Variants in ANKS1B observed in about 807,000 individuals in gnomAD.
The protein encoded by ANKS1B is ankyrin repeat and sterile alpha motif domain-containing protein 1B.
In ANKS1B, 36 loss-of-function variants were observed where a neutral mutation model predicts 148.3. The ratio of observed to expected loss-of-function variants is 0.24; its 90% CI spans 0.19 to 0.32. The LOEUF (loss-of-function observed/expected upper bound fraction) is 0.32. ANKS1B is among the 10% of genes least tolerant of loss of function. The pLI, the probability that ANKS1B is intolerant of heterozygous loss-of-function variation, is 1.00. For synonymous variants in ANKS1B, 542 were observed against 560.8 expected (o/e 0.97, Z 0.47); for missense variants, 1,157 against 1,542.6 (o/e 0.75, Z 4.19).
chr12:99,129,890 C>T lies in ANKS1B; in HGVS notation c.2526+24399G>A, dbSNP rs75080446. Among the ~76,000 whole-genome samples the T allele has an allele frequency of 3.5e-3, 532 of 152,242 alleles. 6 individuals carry two copies. Among genetic ancestry groups the T allele is most frequent in the African/African-American group, 0.012 (500 of 41,534 alleles). The stretch of plus-strand genomic sequence containing the variant: ...GTATCAAAAAATGATAAGTTTAAAA[C>T]ATTTTAAACTTATCAGTGCACAAGA... On this transcript the variant is annotated intron_variant, in intron 15 of 26. Transcript: ENST00000683438.
intron 1 of ANKS1B, among the ~76,000 whole-genome samples, chr12:99,893,623 T>C (rs532972863): frequency 6.6e-6 from 1 of 152,276 alleles, no homozygotes; most frequent in Admixed American, 6.5e-5. Context: ...TCAAATCTAA[T>C]ATATTTTTGG....
intron 15 of ANKS1B, among the ~76,000 whole-genome samples, chr12:99,086,149 G>A (rs1439235005): frequency 2.6e-5 from 4 of 152,192 alleles, no homozygotes; most frequent in Admixed American, 6.5e-5. Flanking sequence ...TTCAAAGGCA[G>A]TTAGGTAGGA....
At position 99,112,127 on chromosome 12, in the gene ANKS1B, G is replaced by C. The variant is rs573825040; in HGVS notation, c.2527-27104C>G. On this transcript the variant is annotated intron_variant, in intron 15 of 26. Coordinates refer to ENST00000683438, the MANE Select transcript of ANKS1B (RefSeq NM_001352186.2). ...CCATTTTATAGAAGAGGAAGTAAAG[G>C]CCCGTGCAATGTGCTGTGTAAGGTG... 1.1e-4 allele frequency among the ~76,000 whole-genome samples: 17 copies of C among 152,142 alleles called. No individual in the cohort carries two copies. In the South Asian group the frequency reaches 3.5e-3, roughly 32 times the overall value.
chr12:99,133,906 G>T (rs2067025949), intron 15 of ANKS1B, among the ~76,000 whole-genome samples: 2 of 152,154 alleles, frequency 1.3e-5, no homozygotes, highest in African/African-American at 4.8e-5. Context: ...CAACCCAATG[G>T]AATTAGCATG....
At chr12:99,742,177 A>ATT (rs2153582292) in intron 8 of ANKS1B, among the ~76,000 whole-genome samples, 2 of 152,100 alleles carry the variant, frequency 1.3e-5, no homozygotes, top group East Asian at 3.9e-4. Flanking sequence ...CCTCGGTGAT[A>ATT]AAATAATATG....
At chr12:99,046,395 A>G (rs193241358) in intron 17 of ANKS1B, among the ~76,000 whole-genome samples, 219 of 152,334 alleles carry the variant, frequency 1.4e-3, no homozygotes, top group Middle Eastern at 6.8e-3. Flanking sequence ...AAACTGACAC[A>G]GGTGTTACAA....
chr12:98,907,806 C>T (rs1258979043), intron 17 of ANKS1B, among the ~76,000 whole-genome samples: 1 of 152,132 alleles, frequency 6.6e-6, no homozygotes, highest in Non-Finnish European at 1.5e-5. Flanking sequence ...TGTTCTTATG[C>T]TAGTGAATCA....
intron 1 of ANKS1B, among the ~76,000 whole-genome samples, chr12:99,947,856 G>A (rs549990144): frequency 1.6e-3 from 248 of 152,294 alleles, no homozygotes; most frequent in South Asian, 4.8e-3. Flanking sequence ...GCTGGAGGTT[G>A]CTCACAACTC....
At chr12:99,573,884 G>A (rs929443443) in intron 9 of ANKS1B, among the ~76,000 whole-genome samples, 1 of 151,646 alleles carries the variant, frequency 6.6e-6, no homozygotes, top group African/African-American at 2.4e-5. Flanking sequence ...TGCCTTATCA[G>A]GACTTCGCTA....
intron 12 of ANKS1B, among the ~76,000 whole-genome samples, chr12:99,336,949 C>T (rs927042914): frequency 2.0e-5 from 3 of 151,928 alleles, no homozygotes; most frequent in African/African-American, 4.8e-5. Flanking sequence ...TACATTTGGC[C>T]TTTGGGAGTT....
At chr12:99,372,390 C>T (rs2093184798) in intron 12 of ANKS1B, among the ~76,000 whole-genome samples, 1 of 151,938 alleles carries the variant, frequency 6.6e-6, no homozygotes, top group African/African-American at 2.4e-5. Context: ...ATACTGAAAC[C>T]ACTTAGGGTT....
intron 12 of ANKS1B, among the ~76,000 whole-genome samples, chr12:99,372,485 G>A (rs541375553): frequency 1.3e-5 from 2 of 152,138 alleles, no homozygotes; most frequent in African/African-American, 4.8e-5. Flanking sequence ...AGAATAAGAT[G>A]TTTATAAAGA....
chr12:99,066,702 A>G (rs974787514), intron 16 of ANKS1B, among the ~76,000 whole-genome samples: 5 of 152,198 alleles, frequency 3.3e-5, no homozygotes, highest in African/African-American at 1.2e-4. Flanking sequence ...GGAAGGGGCT[A>G]GTGGCTTGGA....
intron 7 of ANKS1B, among the ~76,000 whole-genome samples, chr12:99,774,089 A>T (rs1461329581): frequency 1.3e-5 from 2 of 152,132 alleles, no homozygotes; most frequent in East Asian, 3.8e-4. Context: ...ATTTGTTTGG[A>T]CAATGATTTC....
At chr12:99,320,642 T>G (rs1476455688) in intron 12 of ANKS1B, among the ~76,000 whole-genome samples, 1 of 152,194 alleles carries the variant, frequency 6.6e-6, no homozygotes. Context: ...TGTGAACATC[T>G]TCCTTTAGCA....
intron 14 of ANKS1B, among the ~76,000 whole-genome samples, chr12:99,199,086 G>T (rs2081742152): frequency 1.3e-5 from 2 of 152,198 alleles, no homozygotes; most frequent in African/African-American, 4.8e-5. Flanking sequence ...TTTCAAAGCA[G>T]ATTCCCCAGC....
chr12:99,794,932 T>C (rs185590137), intron 4 of ANKS1B, among the ~76,000 whole-genome samples: 17 of 151,976 alleles, frequency 1.1e-4, no homozygotes, highest in Admixed American at 9.2e-4. Context: ...TACCAAAATA[T>C]CTCATGAACC....
chr12:99,557,108 CT>C (rs770600584), intron 9 of ANKS1B, among the ~76,000 whole-genome samples: 20 of 152,162 alleles, frequency 1.3e-4, no homozygotes, highest in South Asian at 6.2e-4. Context: ...AACATTTTTT[CT>C]TTTATTCAAC....
chr12:99,495,669 C>T (rs1005034624), intron 10 of ANKS1B, among the ~76,000 whole-genome samples: 2 of 152,096 alleles, frequency 1.3e-5, no homozygotes, highest in African/African-American at 4.8e-5. Context: ...TCAGCAAGGC[C>T]AGTATTTGTG....
Sources: gnomAD v4.1 joint callset for allele counts (sites outside exome capture counted in the v4.1 genomes callset) on GRCh38, gnomAD v4.1.1 for gene constraint, MANE v1.5 for transcripts, NCBI Gene and HGNC (gene_info 2026-07-23, HGNC 2026-07-21) for gene names.